The following KIF15 variants were observed in gnomAD, a reference collection of about 807,000 sequenced individuals.
The protein encoded by KIF15 is kinesin-like protein KIF15.
KIF15 carries 140 observed loss-of-function variants against 190.6 expected under a neutral mutation model. The observed-to-expected ratio is 0.73, with a 90% CI of 0.64 to 0.84. The LOEUF is 0.84. KIF15 is among the 40% of genes least tolerant of loss of function. The probability of loss-of-function intolerance (pLI) is 0.00; values close to 1 mark genes in which losing one functional copy is unlikely to be tolerated. For synonymous variants in KIF15, 528 were observed against 551.3 expected (o/e 0.96, Z 0.59); for missense variants, 1,372 against 1,584.4 (o/e 0.87, Z 2.28).
intron 5 of KIF15, among the ~76,000 whole-genome samples, chr3:44,784,206 C>T (rs991537476): frequency 1.3e-5 from 2 of 152,222 alleles, no homozygotes; most frequent in African/African-American, 4.8e-5. Context: ...GAGTCTCACT[C>T]TGTCGCCCAG....
At chr3:44,781,332 G>A (rs1326136602) in intron 5 of KIF15, among the ~76,000 whole-genome samples, 2 of 152,074 alleles carry the variant, frequency 1.3e-5, no homozygotes, top group Non-Finnish European at 2.9e-5. Context: ...ATATTTTGTT[G>A]TGTATCTTTT....
Position 44,841,238 on chromosome 3 carries a change from G to A in KIF15, c.3585G>A (p.Lys1195=). 6.3e-7 allele frequency: 1 copy of A among 1,591,084 alleles called. No homozygotes were observed. Among genetic ancestry groups the A allele is most frequent in the Non-Finnish European group, 8.5e-7 (1 of 1,173,200 alleles). ...AAAATGCTGAAATCCTCAGAATGAA[G>A]GTAATTGGATTTTTTTTCCAGTAAA... The part of the protein sequence containing the change: ...EVKNAEILRM[K]EQLREMENLR... Residue 1195 remains lysine, a splice_region_variant and synonymous_variant, in exon 29 of 35, where the codon AAG becomes AAA. Transcript: ENST00000326047.
At chr3:44,802,084 A>G in intron 13 of KIF15, 110 bp downstream of exon 13, 1 of 718,172 alleles carries the variant, frequency 1.4e-6, no homozygotes, top group South Asian at 2.2e-5. Flanking sequence ...TTTTAAGTGA[A>G]TTCTTCTGAC....
chr3:44,852,814 A>G lies in KIF15; in HGVS notation c.*79A>G. 8.7e-7 allele frequency: 1 copy of G among 1,142,864 alleles called. No individual in the cohort carries two copies. The highest frequency in any genetic ancestry group is 1.3e-6 in the Non-Finnish European group (1 of 793,650). The allele number at this position is 1,142,864 out of a possible 1,614,324, so 70.8% of individuals were successfully genotyped here. On this transcript the variant is annotated 3_prime_UTR_variant, in exon 35 of 35. Coordinates refer to ENST00000326047, the MANE Select transcript of KIF15 (RefSeq NM_020242.3). Reference sequence around the variant, plus strand: ...TTACAAGTAAGACCTACTCCTGGCCACTTAGGAGAGCTGAATTTATGGACC... The same window carrying G: ...TTACAAGTAAGACCTACTCCTGGCCGCTTAGGAGAGCTGAATTTATGGACC...
chr3:44,779,597 G>A (rs925108264), intron 4 of KIF15, among the ~76,000 whole-genome samples: 1 of 152,016 alleles, frequency 6.6e-6, no homozygotes, highest in Non-Finnish European at 1.5e-5. Context: ...CACTTTGGGG[G>A]GCCGAGGTGC....
At chr3:44,821,002 G>A (rs1204461185) in intron 20 of KIF15, among the ~76,000 whole-genome samples, 19 of 126,292 alleles carry the variant, frequency 1.5e-4, no homozygotes, top group East Asian at 5.1e-4. Context: ...CCTCCCTCCC[G>A]GACGGGGCGG....
chr3:44,848,360 GTACT>G (rs1207123707), intron 31 of KIF15, among the ~76,000 whole-genome samples, 157 bp from the exon 32 acceptor site: 2 of 152,304 alleles, frequency 1.3e-5, no homozygotes, highest in African/African-American at 2.4e-5. Context: ...TTGGAAATAG[GTACT>G]TACTTTATGT....
At chr3:44,765,185 TTTC>T (rs1705326007) in intron 1 of KIF15, among the ~76,000 whole-genome samples, 1 of 152,160 alleles carries the variant, frequency 6.6e-6, no homozygotes, top group African/African-American at 2.4e-5. Context: ...CTTATTAACT[TTTC>T]TTCTTTTTTT....
intron 26 of KIF15, among the ~76,000 whole-genome samples, chr3:44,834,470 A>G (rs974310579): frequency 1.3e-5 from 2 of 152,222 alleles, no homozygotes; most frequent in Non-Finnish European, 2.9e-5. Context: ...AATATTTACT[A>G]TGTGCCATTA....
At chr3:44,865,320 C>T (rs1293157210) in intron 6 of KIF15, 2 of 1,126,768 alleles carry the variant, frequency 1.8e-6, no homozygotes, top group Non-Finnish European at 2.6e-6. Context: ...TCTGATGGAG[C>T]AGGCTCTGGC....
chr3:44,825,654 A>G (rs116236231), intron 20 of KIF15, among the ~76,000 whole-genome samples: 1,676 of 152,364 alleles, frequency 0.011, 21 homozygotes, highest in Middle Eastern at 0.027. Flanking sequence ...TGAGCTATCA[A>G]TAAAACTTGG....
At chr3:44,776,720 A>T (rs1705907549) in intron 3 of KIF15, among the ~76,000 whole-genome samples, 1 of 152,126 alleles carries the variant, frequency 6.6e-6, no homozygotes, top group Admixed American at 6.6e-5. Context: ...AGTTAGTGCT[A>T]TCCAATGGAA....
Position 44,826,164 on chromosome 3 carries a change from A to G in KIF15, c.2675A>G (p.Asn892Ser). 1.3e-6 allele frequency: 2 copies of G among 1,576,736 alleles called. No individual in the cohort carries two copies. The highest frequency in any genetic ancestry group is 1.7e-6 in the Non-Finnish European group (2 of 1,170,480). ...AACCTCCAAAACTTCAAAAAAGAAA[A>G]TGAAACTCTGAAATCTGATCTGAAT... The part of the protein sequence containing the change: ...SRNLQNFKKE[N>S]ETLKSDLNNL... Residue 892 changes from asparagine (N) to serine (S), a missense_variant, in exon 21 of 35, where the codon AAT (asparagine) becomes AGT (serine). By Grantham distance (46) the Asn-to-Ser change is conservative (BLOSUM62 1). Transcript: ENST00000326047.
In KIF15 at chr3:44,778,147, T is replaced by C. The variant is rs2125907391; in HGVS notation, c.279T>C (p.Ile93=). ...ESVFATVAKS[I]VESCMSGYNG... ...TATTCGCAACTGTGGCTAAAAGCAT[T>C]GTGGAGTCTTGCATGAGCGGTTATA... Residue 93 remains isoleucine (I), a synonymous_variant, in exon 4 of 35, where the codon ATT becomes ATC. Transcript: ENST00000326047. The C allele has an allele frequency of 1.2e-6, 2 of 1,614,068 alleles. No individual in the cohort carries two copies.
chr3:44,826,059 T>G lies in KIF15; in HGVS notation c.2570T>G (p.Leu857Arg). 1.9e-6 allele frequency: 3 copies of G among 1,584,004 alleles called. No individual in the cohort carries two copies. The highest frequency in any genetic ancestry group is 2.6e-6 in the Non-Finnish European group (3 of 1,172,836). The change falls in exon 21 of 35, where the codon CTT (leucine) becomes CGT (arginine). Residue 857 changes from leucine to arginine, a missense_variant. Transcript: ENST00000326047. ...DNLRLENEKL[L>R]ESKACLQDSY... Reference sequence around the variant, plus strand: ...TAAAGGTTAGAAAACGAAAAGCTGCTTGAGAGCAAAGCCTGCCTACAGGAT... The same window carrying G: ...TAAAGGTTAGAAAACGAAAAGCTGCGTGAGAGCAAAGCCTGCCTACAGGAT...
chr3:44,824,575 T>G (rs1697539346), intron 20 of KIF15, among the ~76,000 whole-genome samples: 1 of 152,212 alleles, frequency 6.6e-6, no homozygotes, highest in Non-Finnish European at 1.5e-5. Context: ...AATCACTGGA[T>G]CTAATAATCT....
At chr3:44,807,821 A>G (rs913154761) in intron 16 of KIF15, among the ~76,000 whole-genome samples, 2 of 152,176 alleles carry the variant, frequency 1.3e-5, no homozygotes, top group Non-Finnish European at 2.9e-5. Context: ...CAGCAGCTCA[A>G]GAATGTTATG....
rs1429101733 is a variant in KIF15 at position 44,814,996 on chromosome 3, A to T, written c.2469A>T (p.Ser823=). 1.2e-6 allele frequency: 2 copies of T among 1,613,238 alleles called. No individual in the cohort carries two copies. The highest frequency in any genetic ancestry group is 1.7e-6 in the Non-Finnish European group (2 of 1,179,718). The change falls in exon 20 of 35, where the codon TCA becomes TCT. Residue 823 remains serine, a synonymous_variant. Transcript: ENST00000326047. ...ELSSVKLEYS[S]FKTNQEKEFN... ...CTTCAGTGAAATTGGAATATAGTTC[A>T]TTCAAAACGAATCAGGAGAAAGAAT...
At position 44,772,170 on chromosome 3, in the gene KIF15, C is replaced by T. The variant is rs1006570671; in HGVS notation, c.20-2225C>T. Among the ~76,000 whole-genome samples, 9 of 152,282 alleles carry T rather than the reference C, an allele frequency of 5.9e-5. 1 individual carries two copies. Among genetic ancestry groups the T allele is most frequent in the African/African-American group, 2.2e-4 (9 of 41,552 alleles). ...TCCAGTAGCTGTAAGATTTTCTGTT[C>T]ACCAATTTCGTAACTGGACAATTAG... On this transcript the variant is annotated intron_variant, in intron 1 of 34. Coordinates refer to ENST00000326047, the MANE Select transcript of KIF15 (RefSeq NM_020242.3).
Sources: allele counts gnomAD v4.1 joint callset (sites outside exome capture counted in the v4.1 genomes callset), GRCh38; gene constraint gnomAD v4.1.1; transcripts MANE v1.5; gene names NCBI Gene and HGNC (gene_info 2026-07-23, HGNC 2026-07-21).